Variants in TGS1 observed in about 807,000 individuals in gnomAD.
The protein encoded by TGS1 is trimethylguanosine synthase 1, also known as trimethylguanosine synthase.
TGS1 carries 69 observed loss-of-function variants against 92.2 expected under a neutral mutation model. The ratio of observed to expected loss-of-function variants is 0.75; its 90% confidence interval spans 0.62 to 0.91. TGS1 has a LOEUF of 0.91. TGS1 is among the 40% of genes least tolerant of loss of function. The pLI, the probability that TGS1 is intolerant of heterozygous loss-of-function variation, is 0.00. For missense variants in TGS1, 1,062 were observed against 1,001.2 expected (o/e 1.06, Z -0.82); for synonymous variants, 345 against 338.1 (o/e 1.02, Z -0.22).
intron 9 of TGS1, among the ~76,000 whole-genome samples, chr8:55,802,820 T>C (rs1322160023): frequency 6.6e-6 from 1 of 152,208 alleles, no homozygotes; most frequent in African/African-American, 2.4e-5. Context: ...CTCATACTTC[T>C]TAATACTTTA....
chr8:55,822,162 T>C (rs1476288385), intron 12 of TGS1, among the ~76,000 whole-genome samples: 3 of 151,486 alleles, frequency 2.0e-5, no homozygotes, highest in African/African-American at 7.3e-5. Context: ...CTCCGCCTCC[T>C]GAATTCACGC....
At chr8:55,777,945 G>GTA (rs1811447366) in intron 1 of TGS1, among the ~76,000 whole-genome samples, 1 of 151,434 alleles carries the variant, frequency 6.6e-6, no homozygotes, top group Non-Finnish European at 1.5e-5. Flanking sequence ...GCCCCCTGAG[G>GTA]TATGTCTTGT....
chr8:55,789,039 G>A (rs1811801074), intron 4 of TGS1, among the ~76,000 whole-genome samples: 1 of 152,086 alleles, frequency 6.6e-6, no homozygotes. Context: ...CAGTTTGTCT[G>A]CCATCAGGAT....
intron 6 of TGS1, among the ~76,000 whole-genome samples, chr8:55,795,245 T>C (rs183763945): frequency 1.1e-3 from 169 of 152,302 alleles, no homozygotes; most frequent in African/African-American, 4.0e-3. Flanking sequence ...TAACTACTCT[T>C]CTATTTAGAG....
In TGS1 at chr8:55,811,038, A is replaced by C; in HGVS notation, c.2301A>C (p.Gly767=). 6.2e-7 allele frequency: 1 copy of C among 1,614,080 alleles called. No homozygotes were observed. Among genetic ancestry groups the C allele is most frequent in the Non-Finnish European group, 8.5e-7 (1 of 1,180,012 alleles). ...ADVVFLSPPW[G]GPDYATAETF... ...TTGTGTTCCTCAGCCCACCTTGGGGAGGGCCAGACTATGCCACTGCAGAGA... is the reference window on the plus strand; with the variant it reads ...TTGTGTTCCTCAGCCCACCTTGGGGCGGGCCAGACTATGCCACTGCAGAGA... Residue 767 remains glycine, a synonymous_variant, in exon 11 of 13, where the codon GGA becomes GGC. Transcript: ENST00000260129.
intron 12 of TGS1, among the ~76,000 whole-genome samples, chr8:55,818,215 A>G (rs1196465343): frequency 6.6e-6 from 1 of 152,128 alleles, no homozygotes; most frequent in Non-Finnish European, 1.5e-5. Flanking sequence ...TTTTTGAGAC[A>G]GGGCCAGGCT....
In TGS1 at chr8:55,802,527, T is replaced by A; in HGVS notation, c.1920T>A (p.Ala640=). 1 of 1,614,144 alleles carries A rather than the reference T, an allele frequency of 6.2e-7. No individual in the cohort carries two copies. The highest frequency in any genetic ancestry group is 8.5e-7 in the Non-Finnish European group (1 of 1,179,988). The change falls in exon 9 of 13, where the codon GCT becomes GCA. Residue 640 remains alanine, a synonymous_variant. Transcript: ENST00000260129. ...ATGGTCTGCCTCCTGAAATAGCTGCTGTTCCTGAGCTGGCAAAATACTGGG... is the reference window on the plus strand; with the variant it reads ...ATGGTCTGCCTCCTGAAATAGCTGCAGTTCCTGAGCTGGCAAAATACTGGG... ...KVNGLPPEIA[A]VPELAKYWAQ... is the part of the protein sequence containing the mutation.
At chr8:55,780,130 T>G (rs532205512) in intron 1 of TGS1, among the ~76,000 whole-genome samples, 6 of 151,528 alleles carry the variant, frequency 4.0e-5, no homozygotes, top group Non-Finnish European at 8.8e-5. Flanking sequence ...GTGCTAGGAT[T>G]ATAGGCATGA....
intron 12 of TGS1, among the ~76,000 whole-genome samples, chr8:55,818,437 C>T (rs945353155): frequency 2.0e-5 from 3 of 152,202 alleles, no homozygotes; most frequent in Admixed American, 6.5e-5. Context: ...TCAGCCACCA[C>T]GCCCAGCCTG....
chr8:55,825,319 C>G lies in TGS1; in HGVS notation c.*616C>G, dbSNP rs1205875149. On this transcript the variant is annotated 3_prime_UTR_variant, in exon 13 of 13. Coordinates refer to ENST00000260129, the MANE Select transcript of TGS1 (RefSeq NM_024831.8). The stretch of plus-strand genomic sequence containing the variant: ...CTTTCCTGTTTTCATGTCTTTGCTT[C>G]ATCTGGAATTGGCTTAACACCCTTT... 1 of 152,188 alleles carries G rather than the reference C, an allele frequency of 6.6e-6. No homozygotes were observed. The highest frequency in any genetic ancestry group is 6.6e-5 in the Admixed American group (1 of 15,266). The allele number at this position is 152,188 out of a possible 1,614,324, so 9.4% of individuals were successfully genotyped here. A position where few individuals can be genotyped will look rare whatever the true frequency, so the allele number is the denominator to read the frequency against.
Position 55,819,552 on chromosome 8 carries a change from C to G in TGS1, c.2440-5029C>G, listed in dbSNP as rs552588944. Among the ~76,000 whole-genome samples, 5 of 151,838 alleles carry G rather than the reference C, an allele frequency of 3.3e-5. No homozygotes were observed. The South Asian group carries it at 1.0e-3, about 32-fold the overall frequency. The stretch of plus-strand genomic sequence containing the variant: ...ACCTCAGGTGATCTGCCTGCCTCAG[C>G]CTCCCAAAGTTCTGGGATTACAGGT... On this transcript the variant is annotated intron_variant, in intron 12 of 12. Transcript: ENST00000260129.
At position 55,796,233 on chromosome 8, in the gene TGS1, A is replaced by C. The variant is rs537386281; in HGVS notation, c.1542+81A>C. 9.6e-5 allele frequency: 106 copies of C among 1,109,914 alleles called. No individual in the cohort carries two copies. In the African/African-American group the frequency reaches 1.5e-3, roughly 15 times the overall value. The allele number at this position is 1,109,914 out of a possible 1,614,324, so 68.8% of individuals were successfully genotyped here. A position where few individuals can be genotyped will look rare whatever the true frequency, so the allele number is the denominator to read the frequency against. ...CCTCTTAAAATTGTTGTATTCAAATAGGAAGCTTGTTTCTACCAGGTATCA... is the reference window on the plus strand; with the variant it reads ...CCTCTTAAAATTGTTGTATTCAAATCGGAAGCTTGTTTCTACCAGGTATCA... On this transcript the variant is annotated intron_variant, in intron 7 of 12. Transcript: ENST00000260129.
chr8:55,794,533 G>A (rs913643451), intron 6 of TGS1, among the ~76,000 whole-genome samples: 2 of 152,160 alleles, frequency 1.3e-5, no homozygotes, highest in African/African-American at 4.8e-5. Context: ...GGAAGCTGAG[G>A]TAAGAAGATT....
chr8:55,820,517 G>A (rs1241606465), intron 12 of TGS1, among the ~76,000 whole-genome samples: 6 of 152,160 alleles, frequency 3.9e-5, no homozygotes, highest in South Asian at 4.1e-4. Flanking sequence ...CAGCCTGGGC[G>A]GTAGAGCCAG....
chr8:55,813,182 T>A, intron 12 of TGS1, 64 bp downstream of exon 12: 1 of 1,148,370 alleles, frequency 8.7e-7, no homozygotes. Context: ...CGGTAAAAGA[T>A]ACAGGACATA....
chr8:55,808,675 A>AT (rs1439110833), intron 10 of TGS1, among the ~76,000 whole-genome samples: 2 of 151,752 alleles, frequency 1.3e-5, no homozygotes, highest in Non-Finnish European at 1.5e-5. Flanking sequence ...CGCCCAGCTA[A>AT]TTTTTTTATT....
chr8:55,821,287 T>C (rs1803626951), intron 12 of TGS1, among the ~76,000 whole-genome samples: 1 of 152,238 alleles, frequency 6.6e-6, no homozygotes, highest in South Asian at 2.1e-4. Flanking sequence ...AGCCAGAATG[T>C]AAAATTCATG....
chr8:55,798,628 A>T (rs1429523552), intron 7 of TGS1, among the ~76,000 whole-genome samples: 1 of 152,212 alleles, frequency 6.6e-6, no homozygotes, highest in Non-Finnish European at 1.5e-5. Flanking sequence ...TGGAAAAGCC[A>T]CTGGGACAGT....
chr8:55,781,263 T>C (rs560955514), intron 1 of TGS1, among the ~76,000 whole-genome samples: 1 of 152,344 alleles, frequency 6.6e-6, no homozygotes, highest in South Asian at 2.1e-4. Context: ...GTACTTCTAA[T>C]GTTGGCCCAA....
Sources: gnomAD v4.1 joint callset for allele counts (sites outside exome capture counted in the v4.1 genomes callset) on GRCh38, gnomAD v4.1.1 for gene constraint, MANE v1.5 for transcripts, NCBI Gene and HGNC (gene_info 2026-07-23, HGNC 2026-07-21) for gene names.